The following SMG6 variants were observed in gnomAD, a reference collection of about 807,000 sequenced individuals.
SMG6 encodes SMG6 nonsense mediated mRNA decay factor, also known as telomerase-binding protein EST1A.
Under a neutral mutation model 142.2 loss-of-function variants are expected in SMG6, and 66 were observed. The ratio of observed to expected loss-of-function variants is 0.46; its 90% confidence interval spans 0.38 to 0.57. SMG6 has a LOEUF of 0.57. Ranked by LOEUF, SMG6 falls within the 20% of genes least tolerant of loss-of-function variation. The pLI is 0.00. For synonymous variants in SMG6, 779 were observed against 702.4 expected, an observed-to-expected ratio of 1.11 and a Z score of -1.72; for missense variants, 1,793 against 1,832.0, an observed-to-expected ratio of 0.98 and a Z score of 0.39.
At chr17:2,143,225 G>A (rs745967302) in intron 13 of SMG6, among the ~76,000 whole-genome samples, 1 of 152,070 alleles carries the variant, frequency 6.6e-6, no homozygotes, top group Non-Finnish European at 1.5e-5. Context: ...CTACTTCTAG[G>A]TATATATATC....
intron 13 of SMG6, among the ~76,000 whole-genome samples, chr17:2,140,157 G>C (rs1164552894): frequency 6.6e-6 from 1 of 151,376 alleles, no homozygotes; most frequent in Non-Finnish European, 1.5e-5. Context: ...CCGCCTCCCA[G>C]GCTCCAGTGA....
chr17:2,200,523 A>T (rs1427050498), intron 10 of SMG6, among the ~76,000 whole-genome samples: 1 of 130,146 alleles, frequency 7.7e-6, no homozygotes, highest in African/African-American at 2.9e-5. Context: ...CAAACCCACG[A>T]CAGAAAAAAA....
chr17:2,061,435 G>C lies in SMG6; in HGVS notation c.*57C>G. The stretch of plus-strand genomic sequence containing the variant: ...GTGGGCATCTTCCGTGCTACACTGG[G>C]CGCCTGGTGGCCTTTCAGGAACGGT... On this transcript the variant is annotated 3_prime_UTR_variant, in exon 19 of 19. Transcript: ENST00000263073. 7 of 1,513,790 alleles carry C rather than the reference G, an allele frequency of 4.6e-6. No individual in the cohort carries two copies. The highest frequency in any genetic ancestry group is 6.2e-6 in the Non-Finnish European group (7 of 1,127,230). 93.8% of individuals were successfully genotyped at this position (1,513,790 alleles called of 1,614,324 possible).
At chr17:2,126,959 C>T (rs1286311493) in intron 13 of SMG6, among the ~76,000 whole-genome samples, 1 of 151,868 alleles carries the variant, frequency 6.6e-6, no homozygotes, top group Non-Finnish European at 1.5e-5. Context: ...CACACACACA[C>T]ATATACGCGT....
chr17:2,265,305 T>C (rs952753541), intron 8 of SMG6, among the ~76,000 whole-genome samples: 5 of 151,638 alleles, frequency 3.3e-5, no homozygotes, highest in African/African-American at 1.2e-4. Context: ...AGGTCAGGAG[T>C]TCGAGACCAG....
intron 13 of SMG6, chr17:2,088,326 C>T (rs1402775527): frequency 2.0e-6 from 2 of 985,394 alleles, no homozygotes; most frequent in Non-Finnish European, 2.4e-6. Flanking sequence ...CACAGCAGGA[C>T]CCAGGGATGT....
intron 4 of SMG6, among the ~76,000 whole-genome samples, chr17:2,294,416 A>G (rs2075102950): frequency 6.6e-6 from 1 of 152,222 alleles, no homozygotes. Context: ...CGTCAGCCTC[A>G]GCATGAAGTC....
At chr17:2,286,727 AG>A (rs994022226) in intron 6 of SMG6, among the ~76,000 whole-genome samples, 4 of 152,128 alleles carry the variant, frequency 2.6e-5, no homozygotes, top group Admixed American at 6.6e-5. Context: ...CGAAAGTGAA[AG>A]GAACAAAAGA....
intron 10 of SMG6, among the ~76,000 whole-genome samples, chr17:2,204,034 G>T (rs1169495634): frequency 4.6e-5 from 7 of 152,118 alleles, no homozygotes; most frequent in Admixed American, 4.6e-4. Flanking sequence ...CATGGTCATA[G>T]CTCACCACAG....
chr17:2,205,965 T>C (rs2072667680), intron 10 of SMG6, among the ~76,000 whole-genome samples: 1 of 152,128 alleles, frequency 6.6e-6, no homozygotes, highest in African/African-American at 2.4e-5. Flanking sequence ...TGTGCCACCA[T>C]GTCTGGCTAA....
intron 13 of SMG6, among the ~76,000 whole-genome samples, chr17:2,125,208 T>C (rs542471945): frequency 6.6e-6 from 1 of 152,300 alleles, no homozygotes; most frequent in African/African-American, 2.4e-5. Flanking sequence ...CAGGGTCTGA[T>C]GTGGCAAGAC....
At chr17:2,262,659 A>C (rs1427836485) in intron 8 of SMG6, among the ~76,000 whole-genome samples, 6 of 152,204 alleles carry the variant, frequency 3.9e-5, no homozygotes, top group African/African-American at 1.4e-4. Context: ...ACCCTGAGTT[A>C]ATCTCTTTTA....
At chr17:2,069,622 A>G (rs902810198) in intron 15 of SMG6, among the ~76,000 whole-genome samples, 1 of 152,182 alleles carries the variant, frequency 6.6e-6, no homozygotes, top group African/African-American at 2.4e-5. Context: ...AACAACAAAC[A>G]ACGAACAATG....
Position 2,085,662 on chromosome 17 carries a change from A to T in SMG6, c.3534+63T>A. 6.7e-7 allele frequency: 1 copy of T among 1,503,734 alleles called. No individual in the cohort carries two copies. Among genetic ancestry groups the T allele is most frequent in the Non-Finnish European group, 9.0e-7 (1 of 1,106,698 alleles). The allele number at this position is 1,503,734 out of a possible 1,614,324, so 93.1% of individuals were successfully genotyped here. On this transcript the variant is annotated intron_variant, in intron 14 of 18. Transcript: ENST00000263073. The surrounding 1 kb of genome is among the most constrained non-coding windows in gnomAD (Gnocchi z 4.1). ...ATAAATAAGCAGGAGGAAAAGCTGA[A>T]GCCACGAGCAGAATGGGGAGGGGGC...
At chr17:2,208,073 G>A (rs574306416) in intron 10 of SMG6, among the ~76,000 whole-genome samples, 1 of 152,232 alleles carries the variant, frequency 6.6e-6, no homozygotes, top group South Asian at 2.1e-4. Context: ...AGGCTGCAGT[G>A]AGCAATGTTC....
intron 13 of SMG6, chr17:2,087,138 C>T: frequency 3.1e-6 from 4 of 1,290,498 alleles, no homozygotes; most frequent in Non-Finnish European, 4.0e-6. Context: ...GACAGCAACC[C>T]CTCTGGTGGC....
intron 10 of SMG6, among the ~76,000 whole-genome samples, chr17:2,218,172 G>C (rs974264067): frequency 7.9e-5 from 12 of 152,106 alleles, no homozygotes; most frequent in Non-Finnish European, 1.3e-4. Flanking sequence ...TTTAATCCAA[G>C]AGCTTTTACT....
chr17:2,164,508 T>C (rs1285523708), intron 13 of SMG6, among the ~76,000 whole-genome samples: 1 of 152,094 alleles, frequency 6.6e-6, no homozygotes, highest in Non-Finnish European at 1.5e-5. Flanking sequence ...CTAGGGAGAC[T>C]GAGGCAGGAT....
rs758994030 is a variant in SMG6 at position 2,300,659 on chromosome 17, T to C, written c.94A>G (p.Met32Val). ...LAPQAGSRENMKELKEARPRK... is the reference protein window; with the variant it reads ...LAPQAGSRENVKELKEARPRK... Reference sequence around the variant, plus strand: ...GGCCTGGCCTCCTTTAATTCCTTCATGTTTTCTGTTATGTCGGGGAAAGAG... The same window carrying C: ...GGCCTGGCCTCCTTTAATTCCTTCACGTTTTCTGTTATGTCGGGGAAAGAG... Residue 32 changes from methionine (M) to valine (V), a missense_variant, in exon 2 of 19, where the codon ATG becomes GTG. Coordinates refer to ENST00000263073, the MANE Select transcript of SMG6 (RefSeq NM_017575.5). 5 of 1,576,182 alleles carry C rather than the reference T, an allele frequency of 3.2e-6. No homozygotes were observed. Among genetic ancestry groups the C allele is most frequent in the Non-Finnish European group, 4.3e-6 (5 of 1,165,000 alleles).
Sources: allele counts gnomAD v4.1 joint callset (sites outside exome capture counted in the v4.1 genomes callset), GRCh38; gene constraint gnomAD v4.1.1; non-coding constraint Gnocchi (gnomAD v3.1); transcripts MANE v1.5; gene names NCBI Gene and HGNC (gene_info 2026-07-23, HGNC 2026-07-21).